The following MET variants were observed in gnomAD, a reference collection of about 807,000 sequenced individuals.
MET encodes the protein MET proto-oncogene, receptor tyrosine kinase.
MET carries 48 observed loss-of-function variants against 133.1 expected under a neutral mutation model. The ratio of observed to expected loss-of-function variants is 0.36; its 90% CI spans 0.29 to 0.46. The LOEUF is 0.46. Among genes scored for constraint, MET ranks in the 20% least tolerant of loss-of-function variants. The probability of loss-of-function intolerance (pLI) is 1.00; values close to 1 mark genes in which losing one functional copy is unlikely to be tolerated. For synonymous variants in MET, 628 were observed against 616.5 expected (o/e 1.02, Z -0.28); for missense variants, 1,442 against 1,695.9 (o/e 0.85, Z 2.63).
rs140308737 is a variant in MET at position 116,683,999 on chromosome 7, T to G, written c.-15+11422T>G. Among the ~76,000 whole-genome samples the G allele has an allele frequency of 3.4e-3, 524 of 152,254 alleles. 3 individuals carry two copies. The highest frequency in any genetic ancestry group is 0.012 in the African/African-American group (500 of 41,538). On this transcript the variant is annotated intron_variant, in intron 1 of 20. Transcript: ENST00000397752. ...GGTTCACAAACCGCTCTCTCTCACT[T>G]CCTCTTTTCTCTAGACCACCACTTT...
chr7:116,697,578 A>C (rs2116570113), intron 1 of MET, among the ~76,000 whole-genome samples: 1 of 152,296 alleles, frequency 6.6e-6, no homozygotes, highest in South Asian at 2.1e-4. Flanking sequence ...TACTACACTT[A>C]ACCATTATGT....
rs1225303075 is a variant in MET, at chr7:116,699,684, C to G, written c.600C>G (p.Thr200=). Residue 200 remains threonine, a synonymous_variant, in exon 2 of 21, where the codon ACC becomes ACG. Transcript: ENST00000397752. ...DRFINFFVGN[T]INSSYFPDHP... Reference sequence around the variant, plus strand: ...TCATCAACTTCTTTGTAGGCAATACCATAAATTCTTCTTATTTCCCAGATC... The same window carrying G: ...TCATCAACTTCTTTGTAGGCAATACGATAAATTCTTCTTATTTCCCAGATC... 1.4e-5 allele frequency: 23 copies of G among 1,613,842 alleles called. No homozygotes were observed. The highest frequency in any genetic ancestry group is 8.3e-5 in the Admixed American group (5 of 59,962).
intron 19 of MET, among the ~76,000 whole-genome samples, chr7:116,785,634 CAAATCCAAACCATAT>C (rs2117075066): frequency 6.6e-6 from 1 of 152,252 alleles, no homozygotes; most frequent in South Asian, 2.1e-4. Context: ...AATGGGGACA[CAAATCCAAACCATAT>C]CAATCATTCT....
intron 1 of MET, 75 bp downstream of exon 1, chr7:116,672,652 G>A (rs1243994799): frequency 2.7e-6 from 1 of 374,428 alleles, no homozygotes; most frequent in Non-Finnish European, 4.7e-6. Context: ...GTTCCCCTAA[G>A]AGACCTGACT....
chr7:116,730,096 A>G (rs1584912324), intron 2 of MET, among the ~76,000 whole-genome samples: 1 of 152,320 alleles, frequency 6.6e-6, no homozygotes, highest in African/African-American at 2.4e-5. Context: ...AATCTACACT[A>G]GAAGCATTTG....
intron 5 of MET, among the ~76,000 whole-genome samples, chr7:116,754,881 G>GAGAGAGAA (rs1314460059): frequency 9.0e-6 from 1 of 110,618 alleles, no homozygotes; most frequent in East Asian, 2.6e-4. Context: ...GAAAGAGAGA[G>GAGAGAGAA]AGAGAGAAAG....
intron 19 of MET, among the ~76,000 whole-genome samples, chr7:116,794,583 T>G (rs1292384674): frequency 6.6e-6 from 1 of 152,228 alleles, no homozygotes; most frequent in Non-Finnish European, 1.5e-5. Context: ...GGCTTTATTC[T>G]CCTTCTTGCT....
chr7:116,725,660 A>G (rs1792721814), intron 2 of MET, among the ~76,000 whole-genome samples: 1 of 151,488 alleles, frequency 6.6e-6, no homozygotes, highest in Non-Finnish European at 1.5e-5. Context: ...TAGGCAACAA[A>G]CCTGTACAGC....
At chr7:116,788,412 T>C (rs751785708) in intron 19 of MET, among the ~76,000 whole-genome samples, 1 of 152,176 alleles carries the variant, frequency 6.6e-6, no homozygotes, top group Non-Finnish European at 1.5e-5. Flanking sequence ...ATTTTGGATG[T>C]TTAGGGCAAG....
intron 2 of MET, among the ~76,000 whole-genome samples, chr7:116,713,356 C>T (rs1054409722): frequency 6.7e-6 from 1 of 150,040 alleles, no homozygotes; most frequent in Non-Finnish European, 1.5e-5. Flanking sequence ...GATCCCGCCA[C>T]TGCACTCCAG....
At chr7:116,774,484 T>C (rs527977384) in intron 14 of MET, among the ~76,000 whole-genome samples, 4 of 152,362 alleles carry the variant, frequency 2.6e-5, no homozygotes, top group African/African-American at 9.6e-5. Context: ...CATTAACAAA[T>C]AGTAGTGTCT....
At chr7:116,783,201 T>C in intron 18 of MET, 103 bp from the exon 19 acceptor site, 1 of 1,326,564 alleles carries the variant, frequency 7.5e-7, no homozygotes, top group Non-Finnish European at 1.1e-6. Flanking sequence ...TCAGAAGTTA[T>C]GGATTTCAAA....
chr7:116,673,763 G>C (rs946383022), intron 1 of MET, among the ~76,000 whole-genome samples: 4 of 152,198 alleles, frequency 2.6e-5, no homozygotes, highest in African/African-American at 9.6e-5. Context: ...TATGTAAACA[G>C]TGTAAGTGGT....
At chr7:116,716,467 G>GAAAGAA (rs1404524774) in intron 2 of MET, among the ~76,000 whole-genome samples, 1 of 108,196 alleles carries the variant, frequency 9.2e-6, no homozygotes, top group Admixed American at 1.0e-4. Flanking sequence ...AAGAAAGAAA[G>GAAAGAA]AGAAAGAAAG....
At chr7:116,790,123 G>A (rs1164275548) in intron 19 of MET, among the ~76,000 whole-genome samples, 3 of 152,192 alleles carry the variant, frequency 2.0e-5, no homozygotes, top group Non-Finnish European at 4.4e-5. Flanking sequence ...CCCTGCAAAA[G>A]ACATGATCTT....
chr7:116,702,639 T>C (rs1042674323), intron 2 of MET, among the ~76,000 whole-genome samples: 2 of 152,206 alleles, frequency 1.3e-5, no homozygotes, highest in African/African-American at 2.4e-5. Flanking sequence ...ACTGAGTTTT[T>C]ACTTTGGCAT....
chr7:116,692,067 A>G (rs1204449979), intron 1 of MET, among the ~76,000 whole-genome samples: 4 of 152,228 alleles, frequency 2.6e-5, no homozygotes, highest in Middle Eastern at 3.2e-3. Context: ...GGAAATGCAA[A>G]TAATTTAAAA....
intron 8 of MET, 104 bp downstream of exon 8, chr7:116,757,878 A>G (rs1355306497): frequency 7.6e-7 from 1 of 1,320,380 alleles, no homozygotes; most frequent in African/African-American, 1.5e-5. Context: ...AAGAAAAATC[A>G]AGATGTTTAT....
intron 17 of MET, 91 bp from the exon 18 acceptor site, chr7:116,781,897 A>AT: frequency 1.1e-6 from 1 of 893,246 alleles, no homozygotes; most frequent in Middle Eastern, 2.9e-4. Flanking sequence ...AGACAAGATA[A>AT]TTTTTTATAA....
Sources: gnomAD v4.1 joint callset for allele counts (sites outside exome capture counted in the v4.1 genomes callset) on GRCh38, gnomAD v4.1.1 for gene constraint, MANE v1.5 for transcripts, NCBI Gene and HGNC (gene_info 2026-07-23, HGNC 2026-07-21) for gene names.